ZNF827: variants seen among roughly 807,000 people sequenced by gnomAD.
ZNF827 encodes the protein zinc finger protein 827.
Under a neutral mutation model 102.4 loss-of-function variants are expected in ZNF827, and 13 were observed. That is an observed-to-expected ratio of 0.13 (90% CI 0.08 to 0.20). The LOEUF is 0.20. Ranked by LOEUF, ZNF827 falls within the 10% of genes least tolerant of loss-of-function variation. The pLI is 1.00. For missense variants in ZNF827, 1,103 were observed against 1,344.4 expected, an observed-to-expected ratio of 0.82 and a Z score of 2.81; for synonymous variants, 523 against 536.2, an observed-to-expected ratio of 0.98 and a Z score of 0.34.
chr4:145,914,248 G>C (rs1752512939), intron 1 of ZNF827, among the ~76,000 whole-genome samples: 1 of 152,094 alleles, frequency 6.6e-6, no homozygotes, highest in South Asian at 2.1e-4. Context: ...CTTAGCAAGG[G>C]AAAAGAGACA....
chr4:145,863,670 C>T (rs55721955), intron 5 of ZNF827, among the ~76,000 whole-genome samples: 35,679 of 149,536 alleles, frequency 0.24, 4,701 homozygotes, highest in Non-Finnish European at 0.3. Flanking sequence ...TCATATGAAA[C>T]GTCCAGAATG....
chr4:145,902,697 G>T lies in ZNF827; in HGVS notation c.562C>A (p.Arg188Ser), dbSNP rs1367445023. 6.2e-7 allele frequency: 1 copy of T among 1,613,812 alleles called. No individual in the cohort carries two copies. Among genetic ancestry groups the T allele is most frequent in the African/African-American group, 1.3e-5 (1 of 74,884 alleles). Residue 188 changes from arginine to serine, a missense_variant, in exon 2 of 15, where the codon CGT becomes AGT. Physicochemically the swap from Arg to Ser is moderately radical, Grantham distance 110 (BLOSUM62 -1). Coordinates refer to ENST00000508784, the MANE Select transcript of ZNF827 (RefSeq NM_001306215.2). The surrounding 1 kb of genome is among the most constrained non-coding windows in gnomAD (Gnocchi z 4.3). ...EQNDQYTPSNRFIWNQGKWLP... is the reference protein window; with the variant it reads ...EQNDQYTPSNSFIWNQGKWLP... ...CACTTACCTTGATTCCATATAAAAC[G>T]GTTACTTGGAGTGTATTGGTCATTC...
intron 3 of ZNF827, among the ~76,000 whole-genome samples, chr4:145,886,742 AC>A (rs1222893991): frequency 3.9e-5 from 6 of 152,010 alleles, no homozygotes; most frequent in Admixed American, 2.6e-4. Flanking sequence ...AAAAAAAAAA[AC>A]AAAGTAGGAG....
At chr4:145,791,965 T>C (rs1034229520) in intron 8 of ZNF827, among the ~76,000 whole-genome samples, 5 of 151,978 alleles carry the variant, frequency 3.3e-5, no homozygotes, top group African/African-American at 1.2e-4. Context: ...TCCCTTATAC[T>C]GCACACAATT....
chr4:145,849,072 C>T (rs921780932), intron 6 of ZNF827, among the ~76,000 whole-genome samples: 8 of 152,160 alleles, frequency 5.3e-5, no homozygotes, highest in East Asian at 1.9e-4. Flanking sequence ...GAATCATTTG[C>T]GCAGAATTGA....
At position 145,878,003 on chromosome 4, in the gene ZNF827, A is replaced by G. The variant is rs148263225; in HGVS notation, c.1748-7525T>C. On this transcript the variant is annotated intron_variant, in intron 4 of 14. Transcript: ENST00000508784. ...AAAGAAAACCTGAAGACTGGATAATATATTTCCAACCTTTTTCAGGAAAGT... is the reference window on the plus strand; with the variant it reads ...AAAGAAAACCTGAAGACTGGATAATGTATTTCCAACCTTTTTCAGGAAAGT... 6.8e-3 allele frequency among the ~76,000 whole-genome samples: 1,037 copies of G among 152,338 alleles called. 11 individuals carry two copies. The highest frequency in any genetic ancestry group is 0.024 in the African/African-American group (982 of 41,576).
At chr4:145,864,149 G>A (rs1000042734) in intron 5 of ZNF827, among the ~76,000 whole-genome samples, 2 of 151,858 alleles carry the variant, frequency 1.3e-5, no homozygotes, top group Non-Finnish European at 2.9e-5. Flanking sequence ...CTGCACAACA[G>A]GGTGAAACTC....
chr4:145,937,800 T>C (rs899888735), intron 1 of ZNF827, among the ~76,000 whole-genome samples: 15 of 149,058 alleles, frequency 1.0e-4, no homozygotes, highest in Non-Finnish European at 4.5e-5. Flanking sequence ...GCGCAACCTT[T>C]AGCCAGGGAC....
In ZNF827 at chr4:145,856,983, A is replaced by ACGCG. The variant is rs147212491; in HGVS notation, c.1982-7423_1982-7422insCGCG. ...TTCTCGCTCATGCGCGCGCACGCGC[A>ACGCG]CGCACACACACACACACACACACAC... On this transcript the variant is annotated intron_variant, in intron 5 of 14. Transcript: ENST00000508784. Among the ~76,000 whole-genome samples the ACGCG allele has an allele frequency of 5.0e-3, 620 of 123,730 alleles. 3 individuals are homozygous for ACGCG. Among genetic ancestry groups the ACGCG allele is most frequent in the African/African-American group, 0.015 (552 of 36,306 alleles). 81.2% of individuals were successfully genotyped at this position (123,730 alleles called of 152,430 possible). A position where few individuals can be genotyped will look rare whatever the true frequency, so the allele number is the denominator to read the frequency against.
intron 8 of ZNF827, among the ~76,000 whole-genome samples, chr4:145,821,066 T>C (rs1407215371): frequency 6.6e-6 from 1 of 152,210 alleles, no homozygotes; most frequent in Non-Finnish European, 1.5e-5. Flanking sequence ...GATCACAATA[T>C]GGTGCATAAA....
At chr4:145,866,881 C>A (rs1039406835) in intron 5 of ZNF827, among the ~76,000 whole-genome samples, 1 of 152,202 alleles carries the variant, frequency 6.6e-6, no homozygotes, top group Non-Finnish European at 1.5e-5. Flanking sequence ...AATTTTGTGT[C>A]ATTTTCAGCA....
chr4:145,888,783 A>G (rs766183300), intron 3 of ZNF827, among the ~76,000 whole-genome samples: 2 of 152,192 alleles, frequency 1.3e-5, no homozygotes, highest in South Asian at 2.1e-4. Flanking sequence ...GAATTCCTGT[A>G]TGTTCACTTA....
At chr4:145,775,557 G>A (rs1011798346) in intron 10 of ZNF827, among the ~76,000 whole-genome samples, 3 of 152,172 alleles carry the variant, frequency 2.0e-5, no homozygotes, top group Non-Finnish European at 4.4e-5. Context: ...CCACCCCAGA[G>A]AGCCACCTCT....
chr4:145,923,475 CA>C (rs978513903), intron 1 of ZNF827, among the ~76,000 whole-genome samples: 1 of 151,392 alleles, frequency 6.6e-6, no homozygotes, highest in African/African-American at 2.4e-5. Context: ...AAAAATTAGC[CA>C]GGCCCAGTGG....
intron 5 of ZNF827, among the ~76,000 whole-genome samples, chr4:145,859,024 A>G (rs973719546): frequency 6.6e-6 from 1 of 152,198 alleles, no homozygotes; most frequent in African/African-American, 2.4e-5. Flanking sequence ...ATAATAATGA[A>G]TCTGTTGCAA....
At chr4:145,863,234 A>G (rs1357819296) in intron 5 of ZNF827, among the ~76,000 whole-genome samples, 1 of 152,252 alleles carries the variant, frequency 6.6e-6, no homozygotes, top group African/African-American at 2.4e-5. Flanking sequence ...TAATAAAAAA[A>G]GACAGACAAA....
intron 1 of ZNF827, among the ~76,000 whole-genome samples, chr4:145,917,717 A>G (rs1473278442): frequency 2.7e-5 from 4 of 147,394 alleles, no homozygotes; most frequent in Non-Finnish European, 5.9e-5. Context: ...AAAAAAAAAA[A>G]AAAAAAAAAG....
chr4:145,910,374 C>A (rs571658503), intron 1 of ZNF827, among the ~76,000 whole-genome samples: 1 of 152,154 alleles, frequency 6.6e-6, no homozygotes, highest in Non-Finnish European at 1.5e-5. Flanking sequence ...TCTACCTGCC[C>A]GTCTCAGCAG....
intron 8 of ZNF827, among the ~76,000 whole-genome samples, chr4:145,788,683 A>T (rs1396886787): frequency 6.6e-6 from 1 of 152,190 alleles, no homozygotes; most frequent in African/African-American, 2.4e-5. Context: ...TTGATTCAGG[A>T]ATCATGTCTA....
Sources: gnomAD v4.1 joint callset for allele counts (sites outside exome capture counted in the v4.1 genomes callset) on GRCh38, gnomAD v4.1.1 for gene constraint, Gnocchi (gnomAD v3.1) non-coding constraint, MANE v1.5 for transcripts, NCBI Gene and HGNC (gene_info 2026-07-23, HGNC 2026-07-21) for gene names.